The following KLHL1 variants were observed in gnomAD, a reference collection of about 807,000 sequenced individuals.
The protein encoded by KLHL1 is kelch-like protein 1.
In KLHL1, 47 loss-of-function variants were observed where a neutral mutation model predicts 77.7. That is an observed-to-expected ratio of 0.60 (90% confidence interval 0.48 to 0.77). The LOEUF (loss-of-function observed/expected upper bound fraction) is 0.77, where lower values mean the gene tolerates loss of function less well. Among genes scored for constraint, KLHL1 ranks in the 30% least tolerant of loss-of-function variants. KLHL1 has a pLI of 0.00. For synonymous variants in KLHL1, 360 were observed against 325.2 expected, an observed-to-expected ratio of 1.11 and a Z score of -1.15; for missense variants, 925 against 910.8, an observed-to-expected ratio of 1.02 and a Z score of -0.20.
At chr13:69,859,794 A>G (rs568857183) in intron 5 of KLHL1, among the ~76,000 whole-genome samples, 1 of 152,246 alleles carries the variant, frequency 6.6e-6, no homozygotes, top group African/African-American at 2.4e-5. Context: ...TGACCAATAA[A>G]ACATTAATAT....
In KLHL1 at chr13:69,735,000, C is replaced by T. The variant is rs547223918; in HGVS notation, c.1802+5394G>A. On this transcript the variant is annotated intron_variant, in intron 8 of 10. Coordinates refer to ENST00000377844, the MANE Select transcript of KLHL1 (RefSeq NM_020866.3). ...AAATCATTTATAAGCAACTTTGATG[C>T]AAAGTCATAGCTGGAATATGGAATG... is the stretch of plus-strand genomic sequence containing the variant. 1.5e-4 allele frequency among the ~76,000 whole-genome samples: 23 copies of T among 152,000 alleles called. 1 individual carries two copies. In the South Asian group the frequency reaches 4.4e-3, roughly 29 times the overall value.
intron 4 of KLHL1, among the ~76,000 whole-genome samples, chr13:69,939,296 A>G (rs998958525): frequency 3.5e-5 from 5 of 143,778 alleles, no homozygotes; most frequent in Non-Finnish European, 3.0e-5. Context: ...TAGATTCTCT[A>G]CAAAGCTGTT....
intron 6 of KLHL1, among the ~76,000 whole-genome samples, chr13:69,813,161 C>G (rs1178006949): frequency 6.6e-6 from 1 of 152,048 alleles, no homozygotes; most frequent in East Asian, 1.9e-4. Context: ...ATGATGAGTT[C>G]ATGTCCTTTG....
chr13:70,055,023 T>TAAC (rs59119291), intron 1 of KLHL1, among the ~76,000 whole-genome samples: 150,676 of 152,134 alleles, frequency 0.99, 74,623 homozygotes, highest in East Asian at 1. Flanking sequence ...AAAGACGTAA[T>TAAC]AGAAATCTTT....
intron 4 of KLHL1, among the ~76,000 whole-genome samples, chr13:69,936,624 A>G (rs1157288809): frequency 2.0e-5 from 3 of 151,682 alleles, no homozygotes; most frequent in Non-Finnish European, 2.9e-5. Context: ...AAGATTGAAC[A>G]TGCTATGATG....
At chr13:69,729,292 A>G (rs78039833) in intron 8 of KLHL1, among the ~76,000 whole-genome samples, 7,336 of 152,182 alleles carry the variant, frequency 0.048, 239 homozygotes, top group African/African-American at 0.082. Flanking sequence ...AATTGATGCA[A>G]TTTTGGTCTT....
At chr13:69,892,721 T>C (rs1213048773) in intron 4 of KLHL1, among the ~76,000 whole-genome samples, 1 of 152,240 alleles carries the variant, frequency 6.6e-6, no homozygotes, top group Non-Finnish European at 1.5e-5. Context: ...AAGCCTGTTA[T>C]ATGCATAATC....
chr13:69,702,301 T>C (rs1270991827), intron 10 of KLHL1, among the ~76,000 whole-genome samples: 2 of 151,752 alleles, frequency 1.3e-5, no homozygotes, highest in African/African-American at 4.8e-5. Context: ...TTTTCCATCT[T>C]ATGACAATCA....
intron 7 of KLHL1, among the ~76,000 whole-genome samples, chr13:69,774,673 C>A (rs199574323): frequency 4.6e-5 from 4 of 86,118 alleles, no homozygotes; most frequent in Admixed American, 2.5e-4. Flanking sequence ...TAAAAAAAAA[C>A]ACACACACAC....
chr13:69,712,082 C>G (rs966624299), intron 9 of KLHL1, among the ~76,000 whole-genome samples: 4 of 151,962 alleles, frequency 2.6e-5, no homozygotes, highest in African/African-American at 9.7e-5. Flanking sequence ...AAAATGATAT[C>G]TAGAATTTGC....
At chr13:70,096,673 T>G (rs1887797568) in intron 1 of KLHL1, among the ~76,000 whole-genome samples, 1 of 151,252 alleles carries the variant, frequency 6.6e-6, no homozygotes, top group African/African-American at 2.4e-5. Flanking sequence ...ATCTTAGCAA[T>G]TTTTGACTTT....
At chr13:69,768,300 C>A (rs1374801612) in intron 7 of KLHL1, among the ~76,000 whole-genome samples, 1 of 152,090 alleles carries the variant, frequency 6.6e-6, no homozygotes, top group Non-Finnish European at 1.5e-5. Context: ...ACTACAGAAT[C>A]TGTGAAATAT....
At chr13:69,713,865 G>T (rs1158357437) in intron 9 of KLHL1, among the ~76,000 whole-genome samples, 1 of 152,022 alleles carries the variant, frequency 6.6e-6, no homozygotes, top group Non-Finnish European at 1.5e-5. Flanking sequence ...AACCTCAAAT[G>T]ATTACAAAAC....
At chr13:69,921,389 T>G (rs2138264380) in intron 4 of KLHL1, among the ~76,000 whole-genome samples, 1 of 152,330 alleles carries the variant, frequency 6.6e-6, no homozygotes, top group Non-Finnish European at 1.5e-5. Flanking sequence ...TTCAGGTGTT[T>G]CAAATAAGCA....
intron 1 of KLHL1, among the ~76,000 whole-genome samples, chr13:70,025,562 A>AT (rs1349656482): frequency 1.3e-5 from 2 of 151,844 alleles, no homozygotes; most frequent in African/African-American, 2.4e-5. Context: ...GTTTCCCCCA[A>AT]AGTATTTGTA....
intron 7 of KLHL1, among the ~76,000 whole-genome samples, chr13:69,786,028 CAA>C (rs1876524180): frequency 6.6e-6 from 1 of 152,082 alleles, no homozygotes; most frequent in Admixed American, 6.5e-5. Context: ...GCTTACCCCC[CAA>C]AAAGAGTCCA....
rs1382020575 is a variant in KLHL1, at chr13:70,107,986, C to G, written c.-287G>C. ...TGGGACGCCAAAAGCTGAGAATCCT[C>G]GATGCCCGCGCGAGAGCCCCGTGTT... On this transcript the variant is annotated 5_prime_UTR_variant, in exon 1 of 11. Coordinates refer to ENST00000377844, the MANE Select transcript of KLHL1 (RefSeq NM_020866.3). 5 of 439,374 alleles carry G rather than the reference C, an allele frequency of 1.1e-5. No individual in the cohort carries two copies. Among genetic ancestry groups the G allele is most frequent in the Non-Finnish European group, 2.0e-5 (5 of 250,116 alleles). The allele number at this position is 439,374 out of a possible 1,614,324, so 27.2% of individuals were successfully genotyped here.
At chr13:69,845,547 C>A (rs745920007) in intron 5 of KLHL1, among the ~76,000 whole-genome samples, 18 of 151,436 alleles carry the variant, frequency 1.2e-4, no homozygotes, top group Non-Finnish European at 1.9e-4. Flanking sequence ...AAATATGAAA[C>A]CATATTATAT....
At chr13:69,914,025 G>A (rs755131199) in intron 4 of KLHL1, among the ~76,000 whole-genome samples, 40 of 152,132 alleles carry the variant, frequency 2.6e-4, no homozygotes, top group Non-Finnish European at 5.3e-4. Context: ...GACTAGTTTA[G>A]TCTTCTGGCC....
Sources: gnomAD v4.1 joint callset for allele counts (sites outside exome capture counted in the v4.1 genomes callset) on GRCh38, gnomAD v4.1.1 for gene constraint, MANE v1.5 for transcripts, NCBI Gene and HGNC (gene_info 2026-07-23, HGNC 2026-07-21) for gene names.